ZNF638: variants seen among roughly 807,000 people sequenced by gnomAD.
ZNF638 encodes CTCL tumor antigen se33-1.
ZNF638 carries 46 observed loss-of-function variants against 195.6 expected under a neutral mutation model. The observed-to-expected ratio is 0.24, with a 90% confidence interval of 0.19 to 0.30. The LOEUF (loss-of-function observed/expected upper bound fraction) is 0.30, where lower values mean the gene tolerates loss of function less well. Ranked by LOEUF, ZNF638 falls within the 10% of genes least tolerant of loss-of-function variation. The pLI is 1.00. For synonymous variants in ZNF638, 845 were observed against 772.0 expected (o/e 1.09, Z -1.57); for missense variants, 2,440 against 2,325.3 (o/e 1.05, Z -1.01).
chr2:71,405,340 A>G (rs572559784), intron 17 of ZNF638, among the ~76,000 whole-genome samples: 10 of 152,286 alleles, frequency 6.6e-5, no homozygotes, highest in Non-Finnish European at 1.3e-4. Flanking sequence ...GTGAATTTGA[A>G]TGTCTTTTCT....
chr2:71,428,537 CT>C lies in ZNF638; in HGVS notation c.5546-5del. The C allele has an allele frequency of 1.2e-6, 2 of 1,608,196 alleles. No homozygotes were observed. The highest frequency in any genetic ancestry group is 1.7e-6 in the Non-Finnish European group (2 of 1,176,668). Reference sequence around the variant, plus strand: ...TACTAGAGCAATAAATTAGGACTTTCTTTTTAAAGCTAAAACTCCAACCAAG... The same window carrying C: ...TACTAGAGCAATAAATTAGGACTTTCTTTTAAAGCTAAAACTCCAACCAAG... On this transcript the variant is annotated splice_polypyrimidine_tract_variant and intron_variant, in intron 24 of 27. Transcript: ENST00000264447.
intron 10 of ZNF638, among the ~76,000 whole-genome samples, chr2:71,387,914 G>A (rs1318997441): frequency 1.3e-5 from 2 of 151,964 alleles, no homozygotes; most frequent in Non-Finnish European, 2.9e-5. Context: ...AAAATAAGAA[G>A]CCTCAACCCA....
At chr2:71,428,779 A>G (rs2080593063) in intron 25 of ZNF638, 128 bp downstream of exon 25, 4 of 678,282 alleles carry the variant, frequency 5.9e-6, no homozygotes, top group Admixed American at 6.2e-5. Context: ...AAAGTCAACT[A>G]TAGTTATTAG....
Position 71,408,176 on chromosome 2 carries a change from A to C in ZNF638, c.3190A>C (p.Lys1064Gln). The change falls in exon 20 of 28, where the codon AAA becomes CAA. Residue 1064 changes from lysine to glutamine, a missense_variant. Transcript: ENST00000264447. ...ESAQSMYSFLKQNPQNIGDHM... is the reference protein window; with the variant it reads ...ESAQSMYSFLQQNPQNIGDHM... ...TGCTCAGTCAATGTATAGCTTTCTG[A>C]AACAAAATCCACAAAATATTGGTGA... 6.2e-7 allele frequency: 1 copy of C among 1,613,432 alleles called. No individual in the cohort carries two copies. Among genetic ancestry groups the C allele is most frequent in the Non-Finnish European group, 8.5e-7 (1 of 1,179,602 alleles).
At position 71,398,752 on chromosome 2, in the gene ZNF638, A is replaced by G. The variant is rs760305279; in HGVS notation, c.2480A>G (p.Asn827Ser). The G allele has an allele frequency of 6.2e-7, 1 of 1,613,226 alleles. No homozygotes were observed. The highest frequency in any genetic ancestry group is 1.1e-5 in the South Asian group (1 of 91,034). ...KSVVTVAVKG[N>S]KASIKTAKSG... is the part of the protein sequence containing the mutation. ...GTGGTAACGGTAGCTGTTAAAGGTAATAAAGCTTCAATCAAAACAGGTAAG... is the reference window on the plus strand; with the variant it reads ...GTGGTAACGGTAGCTGTTAAAGGTAGTAAAGCTTCAATCAAAACAGGTAAG... Residue 827 changes from asparagine (N) to serine (S), a missense_variant, in exon 12 of 28, where the codon AAT (asparagine) becomes AGT (serine). Coordinates refer to ENST00000264447, the MANE Select transcript of ZNF638 (RefSeq NM_014497.5).
At chr2:71,337,040 CAT>C (rs2078682512) in intron 1 of ZNF638, among the ~76,000 whole-genome samples, 2 of 151,832 alleles carry the variant, frequency 1.3e-5, no homozygotes, top group African/African-American at 4.8e-5. Flanking sequence ...AGGAAGTGAA[CAT>C]GATGTAGAAA....
chr2:71,348,320 C>G, intron 1 of ZNF638: 1 of 816,454 alleles, frequency 1.2e-6, no homozygotes, highest in Non-Finnish European at 1.5e-6. Context: ...AAAAATGGGT[C>G]TTTTAGGCTT....
At chr2:71,385,728 C>G (rs1224505887) in intron 10 of ZNF638, among the ~76,000 whole-genome samples, 1 of 152,110 alleles carries the variant, frequency 6.6e-6, no homozygotes, top group Non-Finnish European at 1.5e-5. Flanking sequence ...AAAGTGTTAA[C>G]CATTGGAGGG....
chr2:71,363,317 C>T (rs2079139536), intron 4 of ZNF638, 126 bp downstream of exon 4: 6 of 665,790 alleles, frequency 9.0e-6, no homozygotes, highest in Non-Finnish European at 1.5e-5. Flanking sequence ...ATGCAAAAAC[C>T]TCTATGAATC....
At chr2:71,400,914 G>T (rs1185100987) in intron 15 of ZNF638, among the ~76,000 whole-genome samples, 2 of 152,058 alleles carry the variant, frequency 1.3e-5, no homozygotes, top group Admixed American at 6.6e-5. Flanking sequence ...TGCATTTATG[G>T]GGAAGCAAGT....
chr2:71,341,800 T>G (rs2078766544), intron 1 of ZNF638: 1 of 152,182 alleles, frequency 6.6e-6, no homozygotes, highest in Admixed American at 6.5e-5. Flanking sequence ...GAGAAAGGTT[T>G]TATAATGGCT....
chr2:71,410,378 T>TTG (rs374000935), intron 20 of ZNF638, among the ~76,000 whole-genome samples: 3,646 of 151,262 alleles, frequency 0.024, 57 homozygotes, highest in African/African-American at 0.04. Context: ...GATTTTTTTT[T>TTG]TGTGTGTGTG....
At chr2:71,379,230 G>A (rs1262485375) in intron 8 of ZNF638, among the ~76,000 whole-genome samples, 1 of 152,204 alleles carries the variant, frequency 6.6e-6, no homozygotes, top group African/African-American at 2.4e-5. Context: ...GAAAGTTACA[G>A]TAGTTCCCGT....
chr2:71,392,189 T>C (rs2079795604), intron 10 of ZNF638, among the ~76,000 whole-genome samples: 1 of 152,226 alleles, frequency 6.6e-6, no homozygotes, highest in Non-Finnish European at 1.5e-5. Flanking sequence ...ATGCAGGCCA[T>C]ATAAAATATG....
chr2:71,388,920 T>C (rs1203963621), intron 10 of ZNF638, among the ~76,000 whole-genome samples: 1 of 152,136 alleles, frequency 6.6e-6, no homozygotes, highest in Non-Finnish European at 1.5e-5. Context: ...CCATAATCCA[T>C]GGTTCCCAGC....
chr2:71,404,836 C>G (rs984228634), intron 17 of ZNF638, among the ~76,000 whole-genome samples: 31 of 152,148 alleles, frequency 2.0e-4, no homozygotes, highest in Non-Finnish European at 7.4e-5. Flanking sequence ...ATCTCATGTA[C>G]ACACCCTTCA....
intron 10 of ZNF638, among the ~76,000 whole-genome samples, chr2:71,394,691 A>G (rs1221015883): frequency 6.6e-6 from 1 of 152,182 alleles, no homozygotes; most frequent in Non-Finnish European, 1.5e-5. Context: ...GACACCAAAG[A>G]TTCATAGTTA....
Position 71,349,358 on chromosome 2 carries a change from A to G in ZNF638, c.404A>G (p.Tyr135Cys). ...TEQSPKVQSR[Y>C]TKESASSILA... is the part of the protein sequence containing the mutation. ...CAGAGTCCCAAAGTACAGAGCCGCT[A>G]TACAAAAGAGAGTGCCTCAAGTATC... The change falls in exon 2 of 28, where the codon TAT (tyrosine) becomes TGT (cysteine). Residue 135 changes from tyrosine (Y) to cysteine (C), a missense_variant. Transcript: ENST00000264447. The G allele has an allele frequency of 6.2e-7, 1 of 1,614,194 alleles. No individual in the cohort carries two copies. Among genetic ancestry groups the G allele is most frequent in the Non-Finnish European group, 8.5e-7 (1 of 1,180,036 alleles).
At chr2:71,369,740 CA>C in intron 7 of ZNF638, 142 bp from the exon 8 acceptor site, 3 of 727,150 alleles carry the variant, frequency 4.1e-6, no homozygotes. Context: ...TATACTTGAC[CA>C]AAATAAAAAC....
Sources: allele counts gnomAD v4.1 joint callset (sites outside exome capture counted in the v4.1 genomes callset), GRCh38; gene constraint gnomAD v4.1.1; transcripts MANE v1.5; gene names NCBI Gene and HGNC (gene_info 2026-07-23, HGNC 2026-07-21).